KCNAB2: variants seen among roughly 807,000 people sequenced by gnomAD.
The protein encoded by KCNAB2 is voltage-gated potassium channel subunit beta-2.
Under a neutral mutation model 63.6 loss-of-function variants are expected in KCNAB2, and 29 were observed. That is an observed-to-expected ratio of 0.46 (90% CI 0.34 to 0.62). The LOEUF is 0.62. KCNAB2 is among the 20% of genes least tolerant of loss of function. KCNAB2 has a pLI of 0.01. For synonymous variants in KCNAB2, 222 were observed against 224.2 expected, an observed-to-expected ratio of 0.99 and a Z score of 0.09; for missense variants, 359 against 563.9, an observed-to-expected ratio of 0.64 and a Z score of 3.68.
chr1:6,055,835 G>A (rs571399345), intron 2 of KCNAB2, among the ~76,000 whole-genome samples: 2 of 152,216 alleles, frequency 1.3e-5, no homozygotes, highest in East Asian at 3.8e-4. Flanking sequence ...AAAGATCCCA[G>A]ATAAATTTAT....
intron 1 of KCNAB2, among the ~76,000 whole-genome samples, chr1:6,020,037 G>C (rs961810662): frequency 6.6e-6 from 1 of 152,188 alleles, no homozygotes; most frequent in Non-Finnish European, 1.5e-5. Context: ...TCCCACAGGT[G>C]GAGGTCTTGC....
intron 1 of KCNAB2, among the ~76,000 whole-genome samples, chr1:5,993,760 C>T (rs1304277210): frequency 1.3e-5 from 2 of 152,202 alleles, no homozygotes; most frequent in Admixed American, 6.5e-5. Flanking sequence ...CCCTCCCCAC[C>T]CCCACTTTCC....
At chr1:6,015,065 T>A (rs770985620) in intron 1 of KCNAB2, among the ~76,000 whole-genome samples, 3 of 125,898 alleles carry the variant, frequency 2.4e-5, no homozygotes, top group Non-Finnish European at 4.8e-5. Flanking sequence ...GGAGTCTCAC[T>A]CTGTCACCCA....
At chr1:5,995,444 C>T (rs1056721092) in intron 1 of KCNAB2, among the ~76,000 whole-genome samples, 6 of 152,240 alleles carry the variant, frequency 3.9e-5, no homozygotes, top group Non-Finnish European at 7.3e-5. Context: ...CCGGCTGTCC[C>T]TTCAGAAGGC....
At chr1:6,053,093 G>T (rs145070584) in intron 2 of KCNAB2, among the ~76,000 whole-genome samples, 114 of 152,226 alleles carry the variant, frequency 7.5e-4, no homozygotes, top group African/African-American at 2.6e-3. Flanking sequence ...CACTTCTCCT[G>T]TGAGTCCATT....
intron 4 of KCNAB2, among the ~76,000 whole-genome samples, chr1:6,081,810 A>C (rs1664234345): frequency 6.6e-6 from 1 of 152,234 alleles, no homozygotes; most frequent in African/African-American, 2.4e-5. Context: ...ATTACATTGA[A>C]GAAGGCCCTA....
intron 1 of KCNAB2, among the ~76,000 whole-genome samples, chr1:6,029,052 C>T (rs1437131973): frequency 6.6e-6 from 1 of 152,080 alleles, no homozygotes; most frequent in Admixed American, 6.5e-5. Context: ...GAGGCCCAGG[C>T]GAGTGGATCA....
At chr1:6,089,460 A>G (rs1571087630) in intron 8 of KCNAB2, among the ~76,000 whole-genome samples, 1 of 152,352 alleles carries the variant, frequency 6.6e-6, no homozygotes, top group East Asian at 1.9e-4. Context: ...CAGCACTCGC[A>G]GGCACCGGAG....
intron 1 of KCNAB2, among the ~76,000 whole-genome samples, chr1:6,022,797 G>T (rs182813407): frequency 1.3e-5 from 2 of 151,634 alleles, no homozygotes; most frequent in African/African-American, 4.9e-5. Context: ...AGACTCATCC[G>T]TGTTGTACCA....
chr1:6,007,666 G>C (rs1008389790), intron 1 of KCNAB2: 2 of 152,360 alleles, frequency 1.3e-5, no homozygotes, highest in Non-Finnish European at 2.9e-5. Context: ...TCTGAGAGGA[G>C]ACTCAGCATT....
chr1:6,004,227 GTT>G (rs1259561926), intron 1 of KCNAB2, among the ~76,000 whole-genome samples: 1 of 141,556 alleles, frequency 7.1e-6, no homozygotes. Flanking sequence ...TGGTTAGAGG[GTT>G]TTTTTTTTTT....
intron 1 of KCNAB2, among the ~76,000 whole-genome samples, chr1:6,014,065 T>C (rs533353532): frequency 2.7e-4 from 41 of 152,210 alleles, no homozygotes; most frequent in Non-Finnish European, 5.6e-4. Flanking sequence ...CCTCATAGGA[T>C]TATGGGGCAA....
intron 2 of KCNAB2, among the ~76,000 whole-genome samples, chr1:6,072,390 A>T (rs1663281192): frequency 6.6e-6 from 1 of 152,226 alleles, no homozygotes; most frequent in Admixed American, 6.5e-5. Context: ...AGGAAGGAAG[A>T]AGGGGCTTCT....
chr1:6,039,173 G>A (rs1472505545), intron 1 of KCNAB2, among the ~76,000 whole-genome samples: 2 of 152,170 alleles, frequency 1.3e-5, no homozygotes. Context: ...GGCGCAGCCA[G>A]TAGGAGAGGA....
Position 6,095,517 on chromosome 1 carries a change from T to C in KCNAB2, c.854-13T>C. ...GGGCCCAGGGCTTGACTCCACCTGC[T>C]TTTCCTCTTCAGGAGTGGGCGCCAT... is the stretch of plus-strand genomic sequence containing the variant. On this transcript the variant is annotated splice_polypyrimidine_tract_variant and intron_variant, in intron 12 of 15. Coordinates refer to ENST00000378083, the MANE Select transcript of KCNAB2 (RefSeq NM_001199862.2). The C allele has an allele frequency of 6.3e-7, 1 of 1,591,184 alleles. No homozygotes were observed. Among genetic ancestry groups the C allele is most frequent in the Non-Finnish European group, 8.6e-7 (1 of 1,166,412 alleles).
chr1:6,088,377 C>T (rs1463036235), intron 7 of KCNAB2, among the ~76,000 whole-genome samples: 1 of 151,890 alleles, frequency 6.6e-6, no homozygotes, highest in Non-Finnish European at 1.5e-5. Context: ...GCACATGCCA[C>T]CATGCCCAGC....
At chr1:6,045,607 G>A (rs1660850766), upstream of KCNAB2, among the ~76,000 whole-genome samples, 1 of 152,206 alleles carries the variant, frequency 6.6e-6, no homozygotes, top group Non-Finnish European at 1.5e-5. The surrounding 1 kb of genome is among the most constrained non-coding windows in gnomAD (Gnocchi z 4.8). Flanking sequence ...GTGCTGAGCA[G>A]AGGCCTCTCC....
At chr1:6,061,170 G>T (rs1391357137) in intron 2 of KCNAB2, among the ~76,000 whole-genome samples, 1 of 152,232 alleles carries the variant, frequency 6.6e-6, no homozygotes, top group Admixed American at 6.5e-5. Context: ...GCTTTTAATG[G>T]GGGTGGCTGC....
In KCNAB2 at chr1:6,086,267, G is replaced by A. The variant is rs925508061; in HGVS notation, c.425+1019G>A. ...CCCGCCCCCTCCCCCATGGATTCCT[G>A]ACACCCCTTCCTCTTGTCCCATCAA... On this transcript the variant is annotated intron_variant, in intron 6 of 15. Transcript: ENST00000378083. This position sits in a 1 kb window ranked among gnomAD's most constrained non-coding sequence, Gnocchi z 4.2. 1.0e-6 allele frequency: 1 copy of A among 970,720 alleles called. No individual in the cohort carries two copies. The highest frequency in any genetic ancestry group is 1.2e-6 in the Non-Finnish European group (1 of 825,534). The allele number at this position is 970,720 out of a possible 1,614,324, so 60.1% of individuals were successfully genotyped here.
Sources: allele counts gnomAD v4.1 joint callset (sites outside exome capture counted in the v4.1 genomes callset), GRCh38; gene constraint gnomAD v4.1.1; non-coding constraint Gnocchi (gnomAD v3.1); transcripts MANE v1.5; gene names NCBI Gene and HGNC (gene_info 2026-07-23, HGNC 2026-07-21).